Variants in SPACA7 observed in about 807,000 individuals in gnomAD.
SPACA7 encodes the protein sperm acrosome associated 7, also known as sperm acrosome-associated protein 7.
SPACA7 carries 19 observed loss-of-function variants against 26.3 expected under a neutral mutation model. The observed-to-expected ratio is 0.72, with a 90% CI of 0.50 to 1.06. SPACA7 has a LOEUF of 1.06. Among genes scored for constraint, SPACA7 ranks in the 50% least tolerant of loss-of-function variants. The pLI, the probability that SPACA7 is intolerant of heterozygous loss-of-function variation, is 0.00. For missense variants in SPACA7, 211 were observed against 229.9 expected, an observed-to-expected ratio of 0.92 and a Z score of 0.53; for synonymous variants, 84 against 84.5, an observed-to-expected ratio of 0.99 and a Z score of 0.04.
intron 5 of SPACA7, among the ~76,000 whole-genome samples, chr13:112,416,804 T>TTGTGTGTGTGTGTGTGTG (rs148795567): frequency 3.6e-4 from 53 of 148,038 alleles, no homozygotes; most frequent in African/African-American, 1.2e-3. Flanking sequence ...TGATTATGAG[T>TTGTGTGTGTGTGTGTGTG]TGTGTGTGTG....
intron 5 of SPACA7, among the ~76,000 whole-genome samples, chr13:112,406,661 T>C (rs1421096690): frequency 6.6e-6 from 1 of 152,170 alleles, no homozygotes; most frequent in Admixed American, 6.6e-5. Flanking sequence ...CAATGAGATA[T>C]TACCTCACAA....
At position 112,392,592 on chromosome 13, in the gene SPACA7, T is replaced by C. The variant is rs553190233; in HGVS notation, c.95-429T>C. Among the ~76,000 whole-genome samples, 9 of 152,326 alleles carry C rather than the reference T, an allele frequency of 5.9e-5. No homozygotes were observed. In the South Asian group the frequency reaches 8.3e-4, roughly 14 times the overall value. On this transcript the variant is annotated intron_variant, in intron 1 of 6. Transcript: ENST00000283550. The stretch of plus-strand genomic sequence containing the variant: ...TCTAAGCCTCCAGGTGCATGCACTG[T>C]GGGCGCCTTTCACGAAGGAGGTCCA...
chr13:112,383,144 AG>A (rs1163565393), intron 1 of SPACA7, among the ~76,000 whole-genome samples: 31 of 92,678 alleles, frequency 3.3e-4, no homozygotes, highest in African/African-American at 1.4e-3. Flanking sequence ...AAAGAAAGAA[AG>A]AAAGAAAGAA....
At chr13:112,400,715 T>C (rs1370073871) in intron 4 of SPACA7, among the ~76,000 whole-genome samples, 8 of 152,246 alleles carry the variant, frequency 5.3e-5, no homozygotes, top group Admixed American at 2.0e-4. Context: ...GCAGTCATTA[T>C]TTTTTGTATG....
At chr13:112,387,225 C>T (rs7339188) in intron 1 of SPACA7, among the ~76,000 whole-genome samples, 33,728 of 152,134 alleles carry the variant, frequency 0.22, 4,712 homozygotes, top group African/African-American at 0.38. Context: ...CCCCTAATTC[C>T]TGTCTTCTAG....
intron 2 of SPACA7, among the ~76,000 whole-genome samples, chr13:112,396,536 C>A (rs1271558914): frequency 1.3e-5 from 2 of 152,150 alleles, no homozygotes; most frequent in African/African-American, 4.8e-5. Context: ...CATCCTTGGC[C>A]CCCCAGTGCC....
At chr13:112,434,413 T>C (rs1162536232) in intron 6 of SPACA7, 72 bp from the exon 7 acceptor site, 1 of 1,341,124 alleles carries the variant, frequency 7.5e-7, no homozygotes, top group Non-Finnish European at 1.0e-6. Context: ...CTGGTGTCCC[T>C]CGATCCTGCC....
At chr13:112,409,439 T>C (rs1886203171) in intron 5 of SPACA7, among the ~76,000 whole-genome samples, 1 of 152,130 alleles carries the variant, frequency 6.6e-6, no homozygotes, top group Non-Finnish European at 1.5e-5. Context: ...ACCTGCAGAA[T>C]GGGAGAAAAT....
intron 6 of SPACA7, among the ~76,000 whole-genome samples, 156 bp from the exon 7 acceptor site, chr13:112,434,329 G>C (rs72670928): frequency 0.043 from 6,520 of 152,086 alleles, 178 homozygotes; most frequent in Non-Finnish European, 0.056. Flanking sequence ...CCCCCCTCCC[G>C]GTCCTCCTGC....
intron 5 of SPACA7, among the ~76,000 whole-genome samples, chr13:112,409,745 G>C (rs1233792054): frequency 6.6e-6 from 1 of 152,204 alleles, no homozygotes; most frequent in East Asian, 1.9e-4. Flanking sequence ...TGGAGAAATA[G>C]GAACACTTTT....
intron 5 of SPACA7, among the ~76,000 whole-genome samples, chr13:112,429,529 T>C (rs1425851677): frequency 6.6e-6 from 1 of 152,200 alleles, no homozygotes; most frequent in Non-Finnish European, 1.5e-5. Flanking sequence ...TTTTAACCCA[T>C]TTGTGTCTTT....
intron 1 of SPACA7, among the ~76,000 whole-genome samples, chr13:112,388,694 A>G (rs1884688898): frequency 6.6e-6 from 1 of 152,246 alleles, no homozygotes; most frequent in African/African-American, 2.4e-5. Context: ...CAACAGGGGA[A>G]ATGCAATAGA....
rs1886057320 is a variant in SPACA7, at chr13:112,407,432, G to T, written c.445+6268G>T. ...CAAAAAATCAGTGAATCCAGGAGCT[G>T]GTTTTTTGAAAAGATCAACAGAATT... On this transcript the variant is annotated intron_variant, in intron 5 of 6. Coordinates refer to ENST00000283550, the MANE Select transcript of SPACA7 (RefSeq NM_145248.5). Among the ~76,000 whole-genome samples, 4 of 152,208 alleles carry T rather than the reference G, an allele frequency of 2.6e-5. No homozygotes were observed. The South Asian group carries it at 8.3e-4, about 32-fold the overall frequency.
At chr13:112,424,619 C>T (rs1876346888) in intron 5 of SPACA7, among the ~76,000 whole-genome samples, 1 of 152,180 alleles carries the variant, frequency 6.6e-6, no homozygotes, top group Non-Finnish European at 1.5e-5. Context: ...AAAGTGCCTC[C>T]TCTGGGACCC....
intron 5 of SPACA7, among the ~76,000 whole-genome samples, chr13:112,407,773 G>A (rs188451397): frequency 1.5e-3 from 226 of 151,542 alleles, no homozygotes; most frequent in South Asian, 2.5e-3. Flanking sequence ...ATTCACAGCC[G>A]AATTCTACCA....
At chr13:112,383,125 G>GAAAGAAAGA (rs1884249611) in intron 1 of SPACA7, among the ~76,000 whole-genome samples, 12 of 4,256 alleles carry the variant, frequency 2.8e-3, no homozygotes, top group African/African-American at 7.6e-3. Context: ...GAAAAGAAAA[G>GAAAGAAAGA]AAAGAAAGAA....
chr13:112,432,446 A>G lies in SPACA7; in HGVS notation c.448A>G (p.Lys150Glu). The change falls in exon 6 of 7, where the codon AAG becomes GAG. Residue 150 changes from lysine (K) to glutamate (E), a missense_variant and splice_region_variant. Lys to Glu is a moderately conservative substitution (Grantham distance 56, BLOSUM62 1). Transcript: ENST00000283550. ...TGTACTTATTGTTTTCCCCACAGAA[A>G]AGAATTCAAAGAACACTCAGTATGA... ...GSEKSVSSKE[K>E]NSKNTQYENL... is the part of the protein sequence containing the mutation. The G allele has an allele frequency of 6.2e-7, 1 of 1,605,746 alleles. No homozygotes were observed. Among genetic ancestry groups the G allele is most frequent in the Non-Finnish European group, 8.5e-7 (1 of 1,172,388 alleles).
intron 1 of SPACA7, among the ~76,000 whole-genome samples, chr13:112,386,797 T>C (rs1434424182): frequency 6.6e-6 from 1 of 152,218 alleles, no homozygotes; most frequent in East Asian, 1.9e-4. Flanking sequence ...CCTTCAAATC[T>C]CTTATTACCT....
intron 5 of SPACA7, among the ~76,000 whole-genome samples, chr13:112,426,627 A>C (rs1324366993): frequency 1.3e-5 from 2 of 152,242 alleles, no homozygotes; most frequent in East Asian, 3.8e-4. Flanking sequence ...AGGTTTATAC[A>C]TAAGTGTTTA....
Sources: allele counts gnomAD v4.1 joint callset (sites outside exome capture counted in the v4.1 genomes callset), GRCh38; gene constraint gnomAD v4.1.1; transcripts MANE v1.5; gene names NCBI Gene and HGNC (gene_info 2026-07-23, HGNC 2026-07-21).